The following PPP1R13B variants were observed in gnomAD, a reference collection of about 807,000 sequenced individuals.
PPP1R13B encodes the protein protein phosphatase 1 regulatory subunit 13B.
Under a neutral mutation model 119.8 loss-of-function variants are expected in PPP1R13B, and 44 were observed. That is an observed-to-expected ratio of 0.37 (90% CI 0.29 to 0.47). The LOEUF is 0.47. PPP1R13B is among the 20% of genes least tolerant of loss of function. The pLI is 0.99. For synonymous variants in PPP1R13B, 542 were observed against 561.5 expected (o/e 0.97, Z 0.49); for missense variants, 1,227 against 1,413.5 (o/e 0.87, Z 2.12).
At chr14:103,759,689 A>AG (rs1409965278) in intron 4 of PPP1R13B, among the ~76,000 whole-genome samples, 1 of 152,080 alleles carries the variant, frequency 6.6e-6, no homozygotes, top group Non-Finnish European at 1.5e-5. Flanking sequence ...CACAACTTGA[A>AG]GAAAAAAAAA....
At chr14:103,841,186 G>A (rs2086898013) in intron 1 of PPP1R13B, among the ~76,000 whole-genome samples, 1 of 152,062 alleles carries the variant, frequency 6.6e-6, no homozygotes, top group Non-Finnish European at 1.5e-5. Flanking sequence ...TCGGGAGGCT[G>A]AGGCAGGAGA....
intron 12 of PPP1R13B, chr14:103,739,270 T>C (rs2151962654): frequency 2.0e-6 from 1 of 494,418 alleles, no homozygotes; most frequent in Non-Finnish European, 3.6e-6. Context: ...GGGACACGGC[T>C]GTGTTTGAGC....
At chr14:103,756,338 C>T (rs558404817) in intron 5 of PPP1R13B, among the ~76,000 whole-genome samples, 2 of 152,290 alleles carry the variant, frequency 1.3e-5, no homozygotes, top group East Asian at 1.9e-4. Context: ...GATCCACCTG[C>T]CTCGGCCTCC....
chr14:103,841,340 C>T (rs1038522630), intron 1 of PPP1R13B, among the ~76,000 whole-genome samples: 2 of 152,074 alleles, frequency 1.3e-5, no homozygotes, highest in African/African-American at 4.8e-5. Context: ...GTAATCCCAG[C>T]ACTCTGAGAG....
At chr14:103,768,915 TTC>T (rs1275783735) in intron 4 of PPP1R13B, among the ~76,000 whole-genome samples, 1 of 152,294 alleles carries the variant, frequency 6.6e-6, no homozygotes, top group African/African-American at 2.4e-5. Flanking sequence ...GTACATATAT[TTC>T]TGTGTATATA....
chr14:103,772,310 T>C (rs12888002), intron 4 of PPP1R13B, among the ~76,000 whole-genome samples: 39,162 of 152,226 alleles, frequency 0.26, 6,217 homozygotes, highest in Non-Finnish European at 0.34. Context: ...GACAGCCATG[T>C]ACAAGTCTGC....
At chr14:103,811,870 C>T (rs1418731522) in intron 1 of PPP1R13B, among the ~76,000 whole-genome samples, 1 of 151,234 alleles carries the variant, frequency 6.6e-6, no homozygotes, top group African/African-American at 2.4e-5. Flanking sequence ...TCCTGGCTAA[C>T]ATGGTGAAAC....
At position 103,733,246 on chromosome 14, in the gene PPP1R13B, A is replaced by G; in HGVS notation, c.*1908T>C. ...GTTTTAGAATTTGTGTATTGTCAAT[A>G]CTTAATTGGGGGTGGGAGAGACTGA... On this transcript the variant is annotated 3_prime_UTR_variant, in exon 17 of 17. Transcript: ENST00000202556. 1 of 562,840 alleles carries G rather than the reference A, an allele frequency of 1.8e-6. No individual in the cohort carries two copies. The highest frequency in any genetic ancestry group is 3.1e-6 in the Non-Finnish European group (1 of 321,040). 34.9% of individuals were successfully genotyped at this position (562,840 alleles called of 1,614,324 possible).
intron 1 of PPP1R13B, among the ~76,000 whole-genome samples, chr14:103,825,124 G>GT (rs1595827618): frequency 6.6e-6 from 1 of 152,006 alleles, no homozygotes; most frequent in African/African-American, 2.4e-5. Context: ...CGTTACTATT[G>GT]TAATTGCTTT....
intron 1 of PPP1R13B, among the ~76,000 whole-genome samples, chr14:103,840,359 T>C (rs1040813): frequency 0.45 from 67,779 of 152,148 alleles, 15,620 homozygotes; most frequent in African/African-American, 0.56. Flanking sequence ...TTTTAAGTTC[T>C]TATTTTGCTA....
intron 1 of PPP1R13B, among the ~76,000 whole-genome samples, chr14:103,842,117 T>G (rs2152088411): frequency 6.6e-6 from 1 of 152,292 alleles, no homozygotes; most frequent in Middle Eastern, 3.4e-3. Flanking sequence ...ATACCTAGAA[T>G]AAGTAAATAT....
At position 103,753,030 on chromosome 14, in the gene PPP1R13B, C is replaced by T; in HGVS notation, c.798G>A (p.Val266=). 6.2e-7 allele frequency: 1 copy of T among 1,614,108 alleles called. No individual in the cohort carries two copies. The highest frequency in any genetic ancestry group is 8.5e-7 in the Non-Finnish European group (1 of 1,180,016). Reference sequence around the variant, plus strand: ...GTTCTTGGTACAGTCTTTTTAACTCCACCGCCGCTGGTCCCGTCAATTTGC... The same window carrying T: ...GTTCTTGGTACAGTCTTTTTAACTCTACCGCCGCTGGTCCCGTCAATTTGC... The part of the protein sequence containing the change: ...YNGKLTGPAA[V]ELKRLYQELQ... Residue 266 remains valine (V), a synonymous_variant, in exon 7 of 17, where the codon GTG becomes GTA. Transcript: ENST00000202556.
chr14:103,824,694 C>CAAAAA (rs34447941), intron 1 of PPP1R13B, among the ~76,000 whole-genome samples: 1 of 119,812 alleles, frequency 8.3e-6, no homozygotes, highest in African/African-American at 3.0e-5. Flanking sequence ...GACTCCGCCT[C>CAAAAA]AAAAAAAAAA....
chr14:103,844,375 C>T (rs2086979255), intron 1 of PPP1R13B, among the ~76,000 whole-genome samples: 1 of 152,080 alleles, frequency 6.6e-6, no homozygotes, highest in African/African-American at 2.4e-5. Context: ...TGGCCACTCA[C>T]TCTCATTTAT....
chr14:103,838,654 T>A (rs1012182620), intron 1 of PPP1R13B, among the ~76,000 whole-genome samples: 1 of 151,978 alleles, frequency 6.6e-6, no homozygotes, highest in African/African-American at 2.4e-5. Context: ...GATGGTGGAG[T>A]TGGCTAAGGC....
chr14:103,844,267 C>T (rs1328141135), intron 1 of PPP1R13B, among the ~76,000 whole-genome samples: 1 of 148,264 alleles, frequency 6.7e-6, no homozygotes, highest in African/African-American at 2.5e-5. Flanking sequence ...AACCCTGTCT[C>T]GAAAAATAAA....
At chr14:103,775,707 G>T (rs974596496) in intron 4 of PPP1R13B, among the ~76,000 whole-genome samples, 2 of 152,118 alleles carry the variant, frequency 1.3e-5, no homozygotes, top group Non-Finnish European at 2.9e-5. Flanking sequence ...AGTTTTCTAG[G>T]CCCCACTCCA....
At chr14:103,744,939 C>T (rs117400949) in intron 9 of PPP1R13B, among the ~76,000 whole-genome samples, 20 of 152,344 alleles carry the variant, frequency 1.3e-4, no homozygotes, top group Non-Finnish European at 2.4e-4. Flanking sequence ...CAGACACCAA[C>T]AAGGACGGGA....
intron 3 of PPP1R13B, 59 bp from the exon 4 acceptor site, chr14:103,778,880 C>T (rs1161826443): frequency 1.1e-5 from 14 of 1,273,750 alleles, no homozygotes; most frequent in Non-Finnish European, 1.5e-5. Context: ...GTAATATTCT[C>T]CCATTTCTTC....
Sources: gnomAD v4.1 joint callset for allele counts (sites outside exome capture counted in the v4.1 genomes callset) on GRCh38, gnomAD v4.1.1 for gene constraint, MANE v1.5 for transcripts, NCBI Gene and HGNC (gene_info 2026-07-23, HGNC 2026-07-21) for gene names.